The following SLC6A7 variants were observed in gnomAD, a reference collection of about 807,000 sequenced individuals.
SLC6A7 encodes sodium-dependent proline transporter.
SLC6A7 carries 58 observed loss-of-function variants against 73.1 expected under a neutral mutation model. The ratio of observed to expected loss-of-function variants is 0.79; its 90% CI spans 0.64 to 0.99. The LOEUF is 0.99. Ranked by LOEUF, SLC6A7 falls within the 50% of genes least tolerant of loss-of-function variation. SLC6A7 has a pLI of 0.00. For missense variants in SLC6A7, 783 were observed against 831.4 expected, an observed-to-expected ratio of 0.94 and a Z score of 0.72; for synonymous variants, 338 against 338.7, an observed-to-expected ratio of 1.00 and a Z score of 0.02.
chr5:150,209,798 C>G lies in SLC6A7; in HGVS notation c.*183C>G. On this transcript the variant is annotated 3_prime_UTR_variant, in exon 14 of 14. Coordinates refer to ENST00000230671, the MANE Select transcript of SLC6A7 (RefSeq NM_014228.5). Reference sequence around the variant, plus strand: ...TGCCTCTCCTGAAACCTCTGACAACCCCCTACACACACACACAGGCATACT... The same window carrying G: ...TGCCTCTCCTGAAACCTCTGACAACGCCCTACACACACACACAGGCATACT... 1 of 616,736 alleles carries G rather than the reference C, an allele frequency of 1.6e-6. No homozygotes were observed. The highest frequency in any genetic ancestry group is 2.9e-6 in the Non-Finnish European group (1 of 341,578). 38.2% of individuals were successfully genotyped at this position (616,736 alleles called of 1,614,324 possible).
In SLC6A7 at chr5:150,203,744, T is replaced by C. The variant is rs1281714297; in HGVS notation, c.1165T>C (p.Phe389Leu). ...PLSPFWSFLF[F>L]FMLLTLGLDS... Reference sequence around the variant, plus strand: ...GTCACCCTTCTGGTCCTTTCTCTTCTTCTTCATGCTTCTGACTCTCGGCCT... The same window carrying C: ...GTCACCCTTCTGGTCCTTTCTCTTCCTCTTCATGCTTCTGACTCTCGGCCT... Residue 389 changes from phenylalanine to leucine, a missense_variant, in exon 9 of 14, where the codon TTC (phenylalanine) becomes CTC (leucine). Phe to Leu is a conservative substitution (Grantham distance 22). Transcript: ENST00000230671. 2 of 1,609,656 alleles carry C rather than the reference T, an allele frequency of 1.2e-6. No homozygotes were observed.
chr5:150,192,589 G>A (rs1316996436), intron 1 of SLC6A7, among the ~76,000 whole-genome samples: 1 of 152,200 alleles, frequency 6.6e-6, no homozygotes, highest in Non-Finnish European at 1.5e-5. Context: ...TGGTGGGGTT[G>A]GGAACTCCAG....
intron 4 of SLC6A7, among the ~76,000 whole-genome samples, chr5:150,197,866 G>T (rs1426664217): frequency 6.6e-6 from 1 of 152,082 alleles, no homozygotes; most frequent in Non-Finnish European, 1.5e-5. Context: ...TAGAGTAAGG[G>T]ACTGTCATCA....
intron 12 of SLC6A7, 76 bp from the exon 13 acceptor site, chr5:150,205,380 A>G (rs1299037331): frequency 2.3e-6 from 3 of 1,279,870 alleles, no homozygotes; most frequent in East Asian, 4.8e-5. Context: ...TTGGGCTGGC[A>G]CTAGGCTGGG....
At position 150,204,552 on chromosome 5, in the gene SLC6A7, C is replaced by A; in HGVS notation, c.1353C>A (p.Val451=). 1 of 1,613,780 alleles carries A rather than the reference C, an allele frequency of 6.2e-7. No homozygotes were observed. Among genetic ancestry groups the A allele is most frequent in the Non-Finnish European group, 8.5e-7 (1 of 1,179,806 alleles). ...LTTDGGMYWL[V]LLDDYSASFG... ...TTTAGGGGGGCATGTACTGGCTGGT[C>A]CTTCTGGATGACTACAGCGCCAGCT... Residue 451 remains valine (V), a synonymous_variant, in exon 11 of 14, where the codon GTC becomes GTA. Coordinates refer to ENST00000230671, the MANE Select transcript of SLC6A7 (RefSeq NM_014228.5).
At chr5:150,203,820 G>GGTGGT in intron 9 of SLC6A7, 41 bp downstream of exon 9, 1 of 801,384 alleles carries the variant, frequency 1.2e-6, no homozygotes, top group South Asian at 1.6e-5. Flanking sequence ...GTGTGTGTGT[G>GGTGGT]GTGTGTGTGT....
intron 2 of SLC6A7, 74 bp from the exon 3 acceptor site, chr5:150,196,642 G>C: frequency 6.8e-7 from 1 of 1,467,320 alleles, no homozygotes; most frequent in Non-Finnish European, 9.3e-7. Flanking sequence ...CAGGCCAGGG[G>C]AGGGGCGGGG....
chr5:150,200,581 A>G (rs1753325832), intron 5 of SLC6A7, among the ~76,000 whole-genome samples: 1 of 152,254 alleles, frequency 6.6e-6, no homozygotes. Flanking sequence ...TGCAAGGTGC[A>G]GACGATACCA....
rs1753886944 is a variant in SLC6A7 at position 150,209,863 on chromosome 5, A to G, written c.*248A>G. The stretch of plus-strand genomic sequence containing the variant: ...GCTGAGAATGATCCAACTCAGCCCT[A>G]CTTTGCGGATGGACATATTAAGGCC... On this transcript the variant is annotated 3_prime_UTR_variant, in exon 14 of 14. Transcript: ENST00000230671. 2 of 541,992 alleles carry G rather than the reference A, an allele frequency of 3.7e-6. No homozygotes were observed. Among genetic ancestry groups the G allele is most frequent in the African/African-American group, 1.9e-5 (1 of 52,800 alleles). The allele number at this position is 541,992 out of a possible 1,614,324, so 33.6% of individuals were successfully genotyped here. A position where few individuals can be genotyped will look rare whatever the true frequency, so the allele number is the denominator to read the frequency against.
intron 1 of SLC6A7, among the ~76,000 whole-genome samples, chr5:150,191,462 G>A (rs1487090538): frequency 1.3e-5 from 2 of 149,392 alleles, no homozygotes; most frequent in African/African-American, 2.5e-5. Context: ...ACGGAGTCTC[G>A]CTCTGTCACC....
intron 13 of SLC6A7, among the ~76,000 whole-genome samples, chr5:150,208,098 T>G (rs1753789153): frequency 6.6e-6 from 1 of 152,008 alleles, no homozygotes; most frequent in Non-Finnish European, 1.5e-5. Flanking sequence ...CACCCCCGTT[T>G]TCAGCTGGAA....
In SLC6A7 at chr5:150,202,406, C is replaced by A; in HGVS notation, c.918C>A (p.Leu306=). The A allele has an allele frequency of 6.2e-7, 1 of 1,614,132 alleles. No homozygotes were observed. Residue 306 remains leucine, a synonymous_variant, in exon 7 of 14, where the codon CTC becomes CTA. Coordinates refer to ENST00000230671, the MANE Select transcript of SLC6A7 (RefSeq NM_014228.5). ...FYSLGVGFGG[L]LTFASYNTFH... ...CCCTGGGTGTGGGCTTCGGGGGGCT[C>A]CTCACCTTTGCCTCCTACAACACGT...
intron 1 of SLC6A7, among the ~76,000 whole-genome samples, chr5:150,192,632 C>A (rs1393507030): frequency 6.6e-6 from 1 of 152,150 alleles, no homozygotes; most frequent in East Asian, 1.9e-4. Flanking sequence ...TTTGGAGGAC[C>A]CTATCTCCTG....
In SLC6A7 at chr5:150,209,572, A is replaced by T; in HGVS notation, c.1868A>T (p.Glu623Val). The part of the protein sequence containing the change: ...GITSFENTAI[E>V]VDREIAEEEE... ...ACCAGCTTCGAGAACACGGCCATCG[A>T]GGTGGACCGTGAGATTGCAGAGGAG... The change falls in exon 14 of 14, where the codon GAG (glutamate) becomes GTG (valine). Residue 623 changes from glutamate (E) to valine (V), a missense_variant. Coordinates refer to ENST00000230671, the MANE Select transcript of SLC6A7 (RefSeq NM_014228.5). 1 of 1,613,486 alleles carries T rather than the reference A, an allele frequency of 6.2e-7. No individual in the cohort carries two copies. Among genetic ancestry groups the T allele is most frequent in the South Asian group, 1.1e-5 (1 of 90,968 alleles).
chr5:150,202,839 C>A (rs925238992), intron 8 of SLC6A7, 136 bp downstream of exon 8: 3 of 952,266 alleles, frequency 3.2e-6, no homozygotes, highest in South Asian at 1.7e-5. Context: ...CTTTGGGAGG[C>A]CAAGGTGGGC....
intron 1 of SLC6A7, among the ~76,000 whole-genome samples, chr5:150,191,304 G>A (rs749479694): frequency 3.9e-5 from 6 of 152,094 alleles, no homozygotes; most frequent in Non-Finnish European, 5.9e-5. Context: ...TCAGGGGCTG[G>A]TGTTATCAAC....
At chr5:150,198,019 G>A (rs1580857932) in intron 4 of SLC6A7, among the ~76,000 whole-genome samples, 1 of 146,456 alleles carries the variant, frequency 6.8e-6, no homozygotes, top group East Asian at 2.0e-4. Context: ...ACAAAGCCTT[G>A]TCACTGCATT....
intron 2 of SLC6A7, among the ~76,000 whole-genome samples, chr5:150,195,523 C>A (rs1223475578): frequency 1.3e-5 from 2 of 152,214 alleles, no homozygotes; most frequent in African/African-American, 2.4e-5. Context: ...TCTCATTTAA[C>A]CCTGGTGATG....
rs1753080267 is a variant in SLC6A7, at chr5:150,197,222, G to A, written c.530G>A (p.Gly177Glu). 1.2e-6 allele frequency: 2 copies of A among 1,613,622 alleles called. No homozygotes were observed. Among genetic ancestry groups the A allele is most frequent in the African/African-American group, 2.7e-5 (2 of 74,952 alleles). ...LEHRVSKDGN[G>E]ALPLNLTCTV... The stretch of plus-strand genomic sequence containing the variant: ...CACAGAGTCTCCAAGGACGGCAACG[G>A]GGCCCTGCCCCTCAACCTCACCTGC... The change falls in exon 4 of 14, where the codon GGG becomes GAG. Residue 177 changes from glycine to glutamate, a missense_variant. Physicochemically the swap from Gly to Glu is moderately conservative, Grantham distance 98 (BLOSUM62 -2). Coordinates refer to ENST00000230671, the MANE Select transcript of SLC6A7 (RefSeq NM_014228.5).
Sources: allele counts gnomAD v4.1 joint callset (sites outside exome capture counted in the v4.1 genomes callset), GRCh38; gene constraint gnomAD v4.1.1; transcripts MANE v1.5; gene names NCBI Gene and HGNC (gene_info 2026-07-23, HGNC 2026-07-21).